Variants in RAP1GAP observed in about 807,000 individuals in gnomAD.
RAP1GAP encodes the protein rap1 GTPase-activating protein 1.
A neutral mutation model predicts 87.2 loss-of-function variants in RAP1GAP; 35 were observed. The observed-to-expected ratio is 0.40, with a 90% CI of 0.31 to 0.53. The LOEUF (loss-of-function observed/expected upper bound fraction) is 0.53. RAP1GAP is among the 20% of genes least tolerant of loss of function. The pLI, the probability that RAP1GAP is intolerant of heterozygous loss-of-function variation, is 0.48. For synonymous variants in RAP1GAP, 375 were observed against 363.9 expected (o/e 1.03, Z -0.35); for missense variants, 734 against 898.9 (o/e 0.82, Z 2.35).
In RAP1GAP at chr1:21,596,867, C is replaced by T. The variant is rs1202119500; in HGVS notation, c.*432G>A. On this transcript the variant is annotated 3_prime_UTR_variant, in exon 25 of 25. Transcript: ENST00000374765. The stretch of plus-strand genomic sequence containing the variant: ...CGGCTCCCAACCCAGTGCTCACTCC[C>T]CCACATATCACATCCTCCTTGTGCT... 1 of 152,460 alleles carries T rather than the reference C, an allele frequency of 6.6e-6. No individual in the cohort carries two copies. The highest frequency in any genetic ancestry group is 2.4e-5 in the African/African-American group (1 of 41,434). 9.4% of individuals were successfully genotyped at this position (152,460 alleles called of 1,614,324 possible).
At position 21,602,971 on chromosome 1, in the gene RAP1GAP, C is replaced by A. The variant is rs1053472692; in HGVS notation, c.1429-58G>T. The A allele has an allele frequency of 9.9e-5, 102 of 1,026,774 alleles. 1 individual carries two copies. The highest frequency in any genetic ancestry group is 2.5e-4 in the Middle Eastern group (1 of 4,006). 63.6% of individuals were successfully genotyped at this position (1,026,774 alleles called of 1,614,324 possible). On this transcript the variant is annotated intron_variant, in intron 18 of 24. Transcript: ENST00000374765. Reference sequence around the variant, plus strand: ...TACCTGGGAGCCCCAGTGCCCCCCCCACATCCCCTCTGGGGATCCTGCTGC... The same window carrying A: ...TACCTGGGAGCCCCAGTGCCCCCCCAACATCCCCTCTGGGGATCCTGCTGC...
chr1:21,637,473 C>T (rs1435728209), intron 2 of RAP1GAP, among the ~76,000 whole-genome samples: 1 of 151,990 alleles, frequency 6.6e-6, no homozygotes, highest in Non-Finnish European at 1.5e-5. Flanking sequence ...GAATTCTTTG[C>T]CTCTTGATGA....
In RAP1GAP at chr1:21,613,193, G is replaced by A. The variant is rs1321512832; in HGVS notation, c.511C>T (p.Pro171Ser). ...CEDVNVDRFY[P>S]VLYPKASRLI... is the part of the protein sequence containing the mutation. ...AGCCATACCTTGGGGTAGAGCACAGGATAGAACCGATCCACATTGACGTCT... is the reference window on the plus strand; with the variant it reads ...AGCCATACCTTGGGGTAGAGCACAGAATAGAACCGATCCACATTGACGTCT... The change falls in exon 10 of 25, where the codon CCT becomes TCT. Residue 171 changes from proline to serine, a missense_variant. Around this residue, in one of 2 missense-constraint regions of RAP1GAP, gnomAD observed 485 missense variants for 646.2 expected, o/e 0.75. Coordinates refer to ENST00000374765, the MANE Select transcript of RAP1GAP (RefSeq NM_002885.4). This position sits in a 1 kb window ranked among gnomAD's most constrained non-coding sequence, Gnocchi z 4.7. The A allele has an allele frequency of 6.4e-7, 1 of 1,562,084 alleles. No individual in the cohort carries two copies. The highest frequency in any genetic ancestry group is 8.8e-7 in the Non-Finnish European group (1 of 1,132,778).
Position 21,608,409 on chromosome 1 carries a change from G to T in RAP1GAP, c.1159-59C>A, listed in dbSNP as rs943829252. 9.5e-6 allele frequency: 15 copies of T among 1,571,056 alleles called. No homozygotes were observed. The African/African-American group carries it at 2.0e-4, about 21-fold the overall frequency. Reference sequence around the variant, plus strand: ...CCAAGGATCAGCCCTTCGGCCCACAGTTCAAATCCTGGCCACCTTCTGAGG... The same window carrying T: ...CCAAGGATCAGCCCTTCGGCCCACATTTCAAATCCTGGCCACCTTCTGAGG... On this transcript the variant is annotated intron_variant, in intron 16 of 24. Coordinates refer to ENST00000374765, the MANE Select transcript of RAP1GAP (RefSeq NM_002885.4).
chr1:21,632,043 C>T (rs11591167), intron 2 of RAP1GAP, among the ~76,000 whole-genome samples: 16,154 of 152,260 alleles, frequency 0.11, 1,134 homozygotes, highest in East Asian at 0.24. Flanking sequence ...TGGGAGCAGC[C>T]AGAGAGGAGG....
At chr1:21,600,675 G>A (rs187896371) in intron 20 of RAP1GAP, among the ~76,000 whole-genome samples, 1,660 of 151,938 alleles carry the variant, frequency 0.011, 42 homozygotes, top group African/African-American at 0.038. Flanking sequence ...TCACGAGATC[G>A]GGAGATCAAG....
Position 21,640,023 on chromosome 1 carries a change from C to T in RAP1GAP, c.-113+9738G>A, listed in dbSNP as rs58502946. On this transcript the variant is annotated intron_variant, in intron 2 of 24. Coordinates refer to ENST00000374765, the MANE Select transcript of RAP1GAP (RefSeq NM_002885.4). ...CCAGACGCCCGCCTCACGTGGCCCA[C>T]GAGGCCCTGCGTGTCTGCTCCCCAT... Among the ~76,000 whole-genome samples the T allele has an allele frequency of 2.3e-4, 35 of 152,316 alleles. 1 individual carries two copies. The East Asian group carries it at 6.0e-3, about 26-fold the overall frequency.
In RAP1GAP at chr1:21,608,458, G is replaced by A. The variant is rs545824990; in HGVS notation, c.1159-108C>T. ...GGCACGGGCCACCTTCTCTGAATGA[G>A]TGGGGAGTGGGGAGGGCGGAGGGCT... On this transcript the variant is annotated intron_variant, in intron 16 of 24. Transcript: ENST00000374765. 3.1e-4 allele frequency: 436 copies of A among 1,410,732 alleles called. 4 individuals are homozygous for A. The East Asian group carries it at 9.6e-3, about 31-fold the overall frequency. The allele number at this position is 1,410,732 out of a possible 1,614,324, so 87.4% of individuals were successfully genotyped here.
chr1:21,636,128 A>G (rs2094628726), intron 2 of RAP1GAP, among the ~76,000 whole-genome samples: 1 of 152,250 alleles, frequency 6.6e-6, no homozygotes, highest in South Asian at 2.1e-4. Context: ...TGACTAGCCT[A>G]GAGCTGAGGA....
chr1:21,598,537 C>CA lies in RAP1GAP; in HGVS notation c.1777-36_1777-35insT, dbSNP rs1157036350. ...GGGTGGAAAGAGGGAGGGAGGTTAG[C>CA]CTATGCCCTTGGCACTGGCTAGGGC... On this transcript the variant is annotated intron_variant, in intron 21 of 24. Coordinates refer to ENST00000374765, the MANE Select transcript of RAP1GAP (RefSeq NM_002885.4). The CA allele has an allele frequency of 7.7e-6, 12 of 1,556,374 alleles. No homozygotes were observed. In the Admixed American group the frequency reaches 1.2e-4, roughly 15 times the overall value.
intron 2 of RAP1GAP, among the ~76,000 whole-genome samples, chr1:21,637,725 CAAAG>C (rs1387835081): frequency 6.6e-6 from 1 of 152,056 alleles, no homozygotes; most frequent in Non-Finnish European, 1.5e-5. Context: ...ACAGCAATGA[CAAAG>C]AAGGTCTTTA....
chr1:21,640,068 C>T (rs1269065522), intron 2 of RAP1GAP, among the ~76,000 whole-genome samples: 2 of 149,212 alleles, frequency 1.3e-5, no homozygotes, highest in Non-Finnish European at 3.0e-5. Context: ...CCCTCCCACC[C>T]GCCCACTGTC....
chr1:21,608,408 A>C, intron 16 of RAP1GAP, 58 bp from the exon 17 acceptor site: 1 of 1,579,598 alleles, frequency 6.3e-7, no homozygotes, highest in East Asian at 2.3e-5. Context: ...TTCGGCCCAC[A>C]GTTCAAATCC....
At chr1:21,655,138 TG>T (rs1358573878) in intron 1 of RAP1GAP, among the ~76,000 whole-genome samples, 1 of 146,810 alleles carries the variant, frequency 6.8e-6, no homozygotes, top group Non-Finnish European at 1.5e-5. Context: ...AGACTCTGTC[TG>T]AAAAAAAAAA....
At chr1:21,605,519 T>A (rs932040136) in intron 18 of RAP1GAP, among the ~76,000 whole-genome samples, 2 of 151,006 alleles carry the variant, frequency 1.3e-5, no homozygotes, top group Non-Finnish European at 3.0e-5. Context: ...GCTCACAGAG[T>A]TGATGCCCAC....
intron 2 of RAP1GAP, among the ~76,000 whole-genome samples, chr1:21,640,610 A>C (rs1212937666): frequency 6.6e-6 from 1 of 152,214 alleles, no homozygotes; most frequent in African/African-American, 2.4e-5. Context: ...GGAAAGGCCA[A>C]GGCAACCTGG....
At chr1:21,640,458 T>C (rs1571183735) in intron 2 of RAP1GAP, among the ~76,000 whole-genome samples, 1 of 152,210 alleles carries the variant, frequency 6.6e-6, no homozygotes, top group Non-Finnish European at 1.5e-5. Flanking sequence ...TGAATGAATG[T>C]GTATGTCTGT....
intron 1 of RAP1GAP, among the ~76,000 whole-genome samples, chr1:21,664,359 G>C (rs1316052605): frequency 6.6e-6 from 1 of 152,188 alleles, no homozygotes; most frequent in Non-Finnish European, 1.5e-5. Context: ...AGTGGGCTCA[G>C]CCTGCCCCTC....
At position 21,636,914 on chromosome 1, in the gene RAP1GAP, AAGGGAGGG is replaced by A. The variant is rs1217233454; in HGVS notation, c.-112-10525_-112-10518del. On this transcript the variant is annotated intron_variant, in intron 2 of 24. Transcript: ENST00000374765. ...GAAGGAAGGAAGGAGGGAAGGAAGG[AAGGGAGGG>A]AGGGAGGGAGGGAGGGAGGGAGGAA... Among the ~76,000 whole-genome samples the A allele has an allele frequency of 2.7e-3, 274 of 102,482 alleles. 1 individual carries two copies. Among genetic ancestry groups the A allele is most frequent in the African/African-American group, 9.4e-3 (232 of 24,612 alleles). 67.2% of individuals were successfully genotyped at this position (102,482 alleles called of 152,430 possible).
Sources: gnomAD v4.1 joint callset for allele counts (sites outside exome capture counted in the v4.1 genomes callset) on GRCh38, gnomAD v4.1.1 for gene constraint, gnomAD v4.1.1 regional missense constraint, Gnocchi (gnomAD v3.1) non-coding constraint, MANE v1.5 for transcripts, NCBI Gene and HGNC (gene_info 2026-07-23, HGNC 2026-07-21) for gene names.